The following WDR7 variants were observed in gnomAD, a reference collection of about 807,000 sequenced individuals.
The protein encoded by WDR7 is WD repeat domain 7.
A neutral mutation model predicts 169.4 loss-of-function variants in WDR7; 46 were observed. The ratio of observed to expected loss-of-function variants is 0.27; its 90% CI spans 0.21 to 0.35. WDR7 has a LOEUF of 0.35. Ranked by LOEUF, WDR7 falls within the 10% of genes least tolerant of loss-of-function variation. The pLI is 1.00. For synonymous variants in WDR7, 612 were observed against 666.8 expected (o/e 0.92, Z 1.27); for missense variants, 1,534 against 1,859.3 (o/e 0.83, Z 3.22).
At chr18:56,867,257 G>A (rs897080183) in intron 20 of WDR7, among the ~76,000 whole-genome samples, 7 of 151,990 alleles carry the variant, frequency 4.6e-5, no homozygotes, top group Admixed American at 2.0e-4. Context: ...GGCTGGTCTC[G>A]AACTCCTGAG....
At chr18:56,718,845 A>G (rs2026252203) in intron 13 of WDR7, among the ~76,000 whole-genome samples, 1 of 152,190 alleles carries the variant, frequency 6.6e-6, no homozygotes. Flanking sequence ...TCCTAGTTGT[A>G]CTAATATTTC....
chr18:56,797,586 A>G (rs2044606458), intron 19 of WDR7, among the ~76,000 whole-genome samples: 2 of 152,064 alleles, frequency 1.3e-5, no homozygotes, highest in Admixed American at 1.3e-4. Flanking sequence ...GAAGCAGTTA[A>G]TTTTGATTGA....
At position 56,844,944 on chromosome 18, in the gene WDR7, T is replaced by C. The variant is rs148225606; in HGVS notation, c.3304+28800T>C. 5.6e-3 allele frequency among the ~76,000 whole-genome samples: 849 copies of C among 152,300 alleles called. 11 individuals carry two copies. Among genetic ancestry groups the C allele is most frequent in the African/African-American group, 0.019 (805 of 41,574 alleles). ...ACAGTATATTATAATTGTAGTATTT[T>C]ATCATTAGTTATTGTTAATGCCATT... On this transcript the variant is annotated intron_variant, in intron 20 of 27. Transcript: ENST00000254442.
intron 25 of WDR7, among the ~76,000 whole-genome samples, chr18:56,946,865 T>C (rs2047110772): frequency 6.6e-6 from 1 of 152,158 alleles, no homozygotes; most frequent in Admixed American, 6.5e-5. Flanking sequence ...CTTCCTGGAG[T>C]TGTTTACGTA....
chr18:56,781,208 C>T (rs922061247), intron 18 of WDR7, among the ~76,000 whole-genome samples: 4 of 152,120 alleles, frequency 2.6e-5, no homozygotes, highest in African/African-American at 4.8e-5. Context: ...TAAAATGCTA[C>T]ATTAAAGTTC....
intron 21 of WDR7, among the ~76,000 whole-genome samples, chr18:56,921,346 T>A (rs2145635108): frequency 6.6e-6 from 1 of 152,344 alleles, no homozygotes; most frequent in South Asian, 2.1e-4. Flanking sequence ...GTAGCCCATT[T>A]TCCTCTCTCC....
chr18:56,665,857 C>T (rs1319925467), intron 1 of WDR7, among the ~76,000 whole-genome samples: 1 of 152,116 alleles, frequency 6.6e-6, no homozygotes, highest in African/African-American at 2.4e-5. Flanking sequence ...AATAGTTTGG[C>T]CCTGGGTTAA....
chr18:56,946,250 G>GCATTAGGCCTGC (rs2047101763), intron 25 of WDR7, among the ~76,000 whole-genome samples: 1 of 152,168 alleles, frequency 6.6e-6, no homozygotes, highest in South Asian at 2.1e-4. Flanking sequence ...TTCCTCTTCA[G>GCATTAGGCCTGC]CATTAGGCCT....
intron 20 of WDR7, among the ~76,000 whole-genome samples, chr18:56,868,137 G>A (rs1260010547): frequency 6.6e-6 from 1 of 151,960 alleles, no homozygotes; most frequent in Non-Finnish European, 1.5e-5. Flanking sequence ...AAAGAAAGCA[G>A]AAGAAAAAAT....
chr18:56,691,281 C>CG lies in WDR7; in HGVS notation c.790dup (p.Asp264GlyfsTer7), dbSNP rs752582899. ...CTAGTGAAAATGGACAGACATGGAC[C>CG]GGGGGGGACTTTGTCTCATCAGATA... On this transcript the variant is annotated frameshift_variant, in exon 8 of 28. Coordinates refer to ENST00000254442, the MANE Select transcript of WDR7 (RefSeq NM_015285.3). LOFTEE classifies it high-confidence loss of function. 1.9e-6 allele frequency: 3 copies of CG among 1,607,436 alleles called. No individual in the cohort carries two copies. The highest frequency in any genetic ancestry group is 1.7e-5 in the Admixed American group (1 of 57,904).
chr18:56,664,519 T>C lies in WDR7; in HGVS notation c.-19-7978T>C, dbSNP rs185886555. ...AGATTTTTGCAGAGTTCAGAAGTTT[T>C]TTTTTTTCTCCTTTTTTTTTTTTTT... On this transcript the variant is annotated intron_variant, in intron 1 of 27. Coordinates refer to ENST00000254442, the MANE Select transcript of WDR7 (RefSeq NM_015285.3). Among the ~76,000 whole-genome samples the C allele has an allele frequency of 4.0e-3, 380 of 95,070 alleles. 1 individual carries two copies. The highest frequency in any genetic ancestry group is 0.012 in the African/African-American group (359 of 30,698). 62.4% of individuals were successfully genotyped at this position (95,070 alleles called of 152,430 possible). A position where few individuals can be genotyped will look rare whatever the true frequency, so the allele number is the denominator to read the frequency against.
chr18:56,879,722 G>T (rs2046077593), intron 20 of WDR7, among the ~76,000 whole-genome samples: 1 of 151,910 alleles, frequency 6.6e-6, no homozygotes, highest in African/African-American at 2.4e-5. Flanking sequence ...TGTTTTAGCT[G>T]TTATATTTAG....
At chr18:56,945,562 G>A (rs1247685306) in intron 25 of WDR7, among the ~76,000 whole-genome samples, 2 of 152,200 alleles carry the variant, frequency 1.3e-5, no homozygotes, top group Non-Finnish European at 2.9e-5. Context: ...TACATTCAGT[G>A]CCTAGTAGCT....
chr18:57,030,858 T>C (rs1413642739), downstream of WDR7: 2 of 141,544 alleles, frequency 1.4e-5, no homozygotes, highest in African/African-American at 5.4e-5. Flanking sequence ...AAAAATTAGA[T>C]GTTCAGTTCT....
chr18:56,950,039 A>G (rs1357364468), intron 25 of WDR7, among the ~76,000 whole-genome samples: 1 of 152,202 alleles, frequency 6.6e-6, no homozygotes, highest in Non-Finnish European at 1.5e-5. Context: ...TATCTCCCAA[A>G]TAACTGTAGT....
intron 19 of WDR7, among the ~76,000 whole-genome samples, chr18:56,790,652 TG>T (rs2044469970): frequency 6.6e-6 from 1 of 152,086 alleles, no homozygotes. Context: ...CTTTTTTTTG[TG>T]GGGGAAGTAT....
At chr18:56,958,967 A>G (rs753471212) in intron 25 of WDR7, among the ~76,000 whole-genome samples, 3 of 152,194 alleles carry the variant, frequency 2.0e-5, no homozygotes, top group African/African-American at 7.2e-5. Flanking sequence ...ATAAAAAGCA[A>G]TAAATAAAAA....
At chr18:56,889,361 A>C (rs1269461317) in intron 21 of WDR7, among the ~76,000 whole-genome samples, 1 of 152,204 alleles carries the variant, frequency 6.6e-6, no homozygotes, top group African/African-American at 2.4e-5. Flanking sequence ...TTTGTCCAAC[A>C]CTTAGCACAA....
chr18:56,672,605 T>G lies in WDR7; in HGVS notation c.90T>G (p.Asp30Glu). 6.2e-7 allele frequency: 1 copy of G among 1,613,566 alleles called. No individual in the cohort carries two copies. Among genetic ancestry groups the G allele is most frequent in the Non-Finnish European group, 8.5e-7 (1 of 1,179,696 alleles). The change falls in exon 2 of 28, where the codon GAT (aspartate) becomes GAG (glutamate). Residue 30 changes from aspartate (D) to glutamate (E), a missense_variant. Transcript: ENST00000254442. ...TCTCAGCCGTACTTTTAACAGATGA[T>G]GGGGCCACGATCGTAACAGGATGTC... is the stretch of plus-strand genomic sequence containing the variant. ...HCISAVLLTD[D>E]GATIVTGCHD...
Sources: allele counts gnomAD v4.1 joint callset (sites outside exome capture counted in the v4.1 genomes callset), GRCh38; gene constraint gnomAD v4.1.1; transcripts MANE v1.5; gene names NCBI Gene and HGNC (gene_info 2026-07-23, HGNC 2026-07-21).